Variants in NRXN1 observed in about 807,000 individuals in gnomAD.
The protein encoded by NRXN1 is neurexin-1.
In NRXN1, 39 loss-of-function variants were observed where a neutral mutation model predicts 150.9. The ratio of observed to expected loss-of-function variants is 0.26; its 90% CI spans 0.20 to 0.34. NRXN1 has a LOEUF of 0.34. NRXN1 is among the 10% of genes least tolerant of loss of function. The pLI, the probability that NRXN1 is intolerant of heterozygous loss-of-function variation, is 1.00. For missense variants in NRXN1, 1,815 were observed against 1,949.9 expected (o/e 0.93, Z 1.30); for synonymous variants, 924 against 757.0 (o/e 1.22, Z -3.62).
intron 21 of NRXN1, among the ~76,000 whole-genome samples, chr2:49,994,518 G>A (rs6545139): frequency 0.47 from 71,742 of 151,938 alleles, 17,535 homozygotes; most frequent in Middle Eastern, 0.6. Context: ...ATTCCTGAAG[G>A]TTAGAGTATA....
In NRXN1 at chr2:50,091,390, G is replaced by C; in HGVS notation, c.3651C>G (p.Phe1217Leu). Reference sequence around the variant, plus strand: ...ACGTGGCATTGCCACCACTCCTCGTGAAACGAACTACATGGTATTTCCCAT... The same window carrying C: ...ACGTGGCATTGCCACCACTCCTCGTCAAACGAACTACATGGTATTTCCCAT... Reference protein sequence around the residue: ...INDGKYHVVRFTRSGGNATLQ... With the variant: ...INDGKYHVVRLTRSGGNATLQ... The change falls in exon 19 of 23, where the codon TTC becomes TTG. Residue 1217 changes from phenylalanine to leucine, a missense_variant. By Grantham distance (22) the Phe-to-Leu change is conservative (BLOSUM62 0). Around this residue, in one of 6 missense-constraint regions of NRXN1, gnomAD observed 339 missense variants for 440.3 expected, o/e 0.77. Transcript: ENST00000401669. 6.2e-7 allele frequency: 1 copy of C among 1,614,208 alleles called. No homozygotes were observed. Among genetic ancestry groups the C allele is most frequent in the Non-Finnish European group, 8.5e-7 (1 of 1,180,042 alleles).
At chr2:50,875,860 T>G (rs1678511928) in intron 5 of NRXN1, among the ~76,000 whole-genome samples, 2 of 151,846 alleles carry the variant, frequency 1.3e-5, no homozygotes, top group Admixed American at 1.3e-4. Flanking sequence ...CACATTGCAC[T>G]GTCAGCCCAA....
At chr2:50,153,219 C>T (rs1482198469) in intron 18 of NRXN1, among the ~76,000 whole-genome samples, 1 of 151,444 alleles carries the variant, frequency 6.6e-6, no homozygotes. Context: ...TTGCTATTTC[C>T]ATTTTGTTCA....
chr2:50,828,729 C>T (rs567772629), intron 5 of NRXN1, among the ~76,000 whole-genome samples: 403 of 151,848 alleles, frequency 2.7e-3, no homozygotes, highest in African/African-American at 9.4e-3. Context: ...GGCAGAGACC[C>T]TCCTCACTTT....
At chr2:50,530,126 A>G (rs2093060049) in intron 11 of NRXN1, among the ~76,000 whole-genome samples, 1 of 152,126 alleles carries the variant, frequency 6.6e-6, no homozygotes, top group African/African-American at 2.4e-5. Context: ...TAACACTGTC[A>G]AAAATACAGT....
intron 17 of NRXN1, among the ~76,000 whole-genome samples, chr2:50,464,220 G>A (rs188524601): frequency 1.3e-5 from 2 of 151,662 alleles, no homozygotes; most frequent in African/African-American, 2.4e-5. Context: ...GTAATTCTAT[G>A]GGAGAGGAAA....
intron 21 of NRXN1, among the ~76,000 whole-genome samples, chr2:49,960,321 C>CTATT (rs543452606): frequency 1.2e-3 from 177 of 152,168 alleles, no homozygotes; most frequent in Non-Finnish European, 1.7e-3. Flanking sequence ...CCACAAAATT[C>CTATT]TATTTATTTA....
chr2:50,675,488 T>C (rs1342037248), intron 5 of NRXN1, among the ~76,000 whole-genome samples: 1 of 152,116 alleles, frequency 6.6e-6, no homozygotes, highest in Non-Finnish European at 1.5e-5. Context: ...TGGCTTGCTG[T>C]ATAAATAAGC....
chr2:50,880,185 GA>G (rs945754575), intron 5 of NRXN1, among the ~76,000 whole-genome samples: 1 of 151,606 alleles, frequency 6.6e-6, no homozygotes, highest in Non-Finnish European at 1.5e-5. Context: ...ATCCCCAAGA[GA>G]AAAAAAGATC....
intron 5 of NRXN1, among the ~76,000 whole-genome samples, chr2:50,797,530 A>G (rs1287884300): frequency 6.6e-6 from 1 of 152,148 alleles, no homozygotes; most frequent in African/African-American, 2.4e-5. Context: ...GCCAATACTG[A>G]AAAACACGGA....
At chr2:50,017,544 A>G (rs936750218) in intron 21 of NRXN1, among the ~76,000 whole-genome samples, 3 of 152,232 alleles carry the variant, frequency 2.0e-5, no homozygotes, top group Non-Finnish European at 4.4e-5. Flanking sequence ...ATAGTGAAAG[A>G]GCAAACCATC....
At chr2:50,850,438 G>C (rs955985459) in intron 5 of NRXN1, among the ~76,000 whole-genome samples, 1 of 152,020 alleles carries the variant, frequency 6.6e-6, no homozygotes. Flanking sequence ...TACGGGATAA[G>C]TCAGCCTGTG....
At chr2:50,806,824 T>A (rs1214818815) in intron 5 of NRXN1, among the ~76,000 whole-genome samples, 1 of 152,300 alleles carries the variant, frequency 6.6e-6, no homozygotes, top group East Asian at 1.9e-4. Flanking sequence ...AAATACATAA[T>A]TTGAAACTTG....
chr2:50,228,750 G>A (rs1372442065), intron 18 of NRXN1, among the ~76,000 whole-genome samples: 1 of 151,742 alleles, frequency 6.6e-6, no homozygotes, highest in East Asian at 1.9e-4. Context: ...ATTCTTTATT[G>A]GGCAGGAAGG....
At chr2:50,270,079 A>G (rs2069387905) in intron 17 of NRXN1, among the ~76,000 whole-genome samples, 1 of 152,026 alleles carries the variant, frequency 6.6e-6, no homozygotes, top group African/African-American at 2.4e-5. Flanking sequence ...TTCCCCCATT[A>G]TGTGTTGAAG....
chr2:50,995,633 G>A (rs1464050814), intron 2 of NRXN1, among the ~76,000 whole-genome samples: 1 of 150,704 alleles, frequency 6.6e-6, no homozygotes, highest in South Asian at 2.1e-4. Context: ...GAGCTCAGAG[G>A]ATCCTAGACC....
In NRXN1 at chr2:50,963,706, A is replaced by C. The variant is rs1279821407; in HGVS notation, c.773-37751T>G. The stretch of plus-strand genomic sequence containing the variant: ...GATTTTTCCCTTGAATATATAAAAT[A>C]GCAGAGTGACTAACTGATAGTGGTG... On this transcript the variant is annotated intron_variant, in intron 2 of 22. Transcript: ENST00000401669. Among the ~76,000 whole-genome samples the C allele has an allele frequency of 3.3e-5, 5 of 151,672 alleles. No individual in the cohort carries two copies. The Admixed American group carries it at 3.3e-4, about 10-fold the overall frequency.
intron 5 of NRXN1, among the ~76,000 whole-genome samples, chr2:50,656,961 A>G (rs1228900264): frequency 6.6e-6 from 1 of 152,052 alleles, no homozygotes; most frequent in Non-Finnish European, 1.5e-5. Context: ...AAACACTATT[A>G]ATATTTTATG....
At chr2:50,021,198 A>T (rs767487357) in intron 21 of NRXN1, among the ~76,000 whole-genome samples, 4 of 152,192 alleles carry the variant, frequency 2.6e-5, no homozygotes, top group African/African-American at 7.2e-5. Context: ...CTGCACAAAT[A>T]GTGCTAATGT....
Sources: allele counts gnomAD v4.1 joint callset (sites outside exome capture counted in the v4.1 genomes callset), GRCh38; gene constraint gnomAD v4.1.1; regional missense constraint gnomAD v4.1.1; transcripts MANE v1.5; gene names NCBI Gene and HGNC (gene_info 2026-07-23, HGNC 2026-07-21).